SSU72: variants seen among roughly 807,000 people sequenced by gnomAD.
SSU72 encodes RNA polymerase II subunit A C-terminal domain phosphatase SSU72.
In SSU72, 12 loss-of-function variants were observed where a neutral mutation model predicts 22.7. The observed-to-expected ratio is 0.53, with a 90% CI of 0.34 to 0.86. SSU72 has a LOEUF of 0.86. SSU72 is among the 40% of genes least tolerant of loss of function. SSU72 has a pLI of 0.02. For synonymous variants in SSU72, 116 were observed against 98.3 expected (o/e 1.18, Z -1.06); for missense variants, 151 against 249.8 (o/e 0.60, Z 2.67).
chr1:1,543,600 CCT>C (rs1157884051), intron 4 of SSU72, among the ~76,000 whole-genome samples: 1 of 152,058 alleles, frequency 6.6e-6, no homozygotes, highest in Non-Finnish European at 1.5e-5. Flanking sequence ...CGGCCACTCC[CCT>C]CTGTCACGGC....
At chr1:1,574,279 A>G (rs971605479) in intron 1 of SSU72, among the ~76,000 whole-genome samples, 199 bp downstream of exon 1, 108 of 151,966 alleles carry the variant, frequency 7.1e-4, no homozygotes, top group African/African-American at 2.5e-3. Flanking sequence ...CTCGTCCCGG[A>G]ACCTGCCTTC....
intron 2 of SSU72, among the ~76,000 whole-genome samples, chr1:1,559,548 G>C (rs1642559993): frequency 6.6e-6 from 1 of 152,168 alleles, no homozygotes; most frequent in Non-Finnish European, 1.5e-5. Flanking sequence ...GGTCAGGGGA[G>C]CTTAGATCCC....
At chr1:1,569,664 G>T (rs1642705455) in intron 1 of SSU72, among the ~76,000 whole-genome samples, 1 of 152,118 alleles carries the variant, frequency 6.6e-6, no homozygotes, top group African/African-American at 2.4e-5. Flanking sequence ...AACCACATGT[G>T]GCTAAGTTTT....
At chr1:1,543,250 G>A (rs957592548) in intron 4 of SSU72, among the ~76,000 whole-genome samples, 5 of 152,168 alleles carry the variant, frequency 3.3e-5, no homozygotes, top group African/African-American at 4.8e-5. Flanking sequence ...AGGGGTGGAC[G>A]GCGGACACAG....
chr1:1,568,841 C>G (rs1642693365), intron 1 of SSU72, among the ~76,000 whole-genome samples: 1 of 151,522 alleles, frequency 6.6e-6, no homozygotes, highest in Admixed American at 6.6e-5. Context: ...TCAATACCAG[C>G]CTGGGCAACA....
At chr1:1,557,334 A>G (rs1642533435) in intron 2 of SSU72, among the ~76,000 whole-genome samples, 1 of 151,990 alleles carries the variant, frequency 6.6e-6, no homozygotes, top group Non-Finnish European at 1.5e-5. Context: ...AATCGTTTGA[A>G]CCTGGGAGGC....
At chr1:1,572,447 C>T (rs2100725341) in intron 1 of SSU72, among the ~76,000 whole-genome samples, 1 of 150,232 alleles carries the variant, frequency 6.7e-6, no homozygotes, top group South Asian at 2.1e-4. Context: ...TATTCTACTC[C>T]AACTTTATTT....
chr1:1,543,725 CCT>C lies in SSU72; in HGVS notation c.483+142_483+143del, dbSNP rs1165627808. 46 of 393,502 alleles carry C rather than the reference CCT, an allele frequency of 1.2e-4. 1 individual carries two copies. The highest frequency in any genetic ancestry group is 1.2e-4 in the South Asian group (3 of 24,126). 24.4% of individuals were successfully genotyped at this position (393,502 alleles called of 1,614,324 possible). ...CCACTGTCACGGCCTCGGCCACTCC[CCT>C]GTCACGGCCTCGGCCACTCCCCTCT... On this transcript the variant is annotated intron_variant, in intron 4 of 4. Coordinates refer to ENST00000291386, the MANE Select transcript of SSU72 (RefSeq NM_014188.3).
intron 1 of SSU72, among the ~76,000 whole-genome samples, chr1:1,565,424 T>C (rs527906013): frequency 6.6e-6 from 1 of 152,198 alleles, no homozygotes; most frequent in Non-Finnish European, 1.5e-5. Context: ...CTGAACATCA[T>C]AGCTTGTTTA....
chr1:1,571,797 T>TC (rs1270977853), intron 1 of SSU72, among the ~76,000 whole-genome samples: 1 of 151,362 alleles, frequency 6.6e-6, no homozygotes, highest in East Asian at 2.0e-4. Context: ...CTAAATAATT[T>TC]TTTTTTTTGA....
At chr1:1,563,347 G>C (rs1319080291) in intron 2 of SSU72, 2 of 151,270 alleles carry the variant, frequency 1.3e-5, no homozygotes, top group Admixed American at 1.3e-4. Flanking sequence ...GTTTGGTCAA[G>C]ATGGTGAAAC....
At chr1:1,571,418 G>C (rs1416672152) in intron 1 of SSU72, among the ~76,000 whole-genome samples, 2 of 142,794 alleles carry the variant, frequency 1.4e-5, no homozygotes, top group Non-Finnish European at 3.0e-5. Flanking sequence ...GCGACAGAGG[G>C]AGACTCCGAC....
chr1:1,571,289 T>C (rs1642728281), intron 1 of SSU72, among the ~76,000 whole-genome samples: 1 of 125,046 alleles, frequency 8.0e-6, no homozygotes, highest in Admixed American at 8.9e-5. Context: ...AAAAGTTAGC[T>C]GGGAGTGGTG....
intron 2 of SSU72, chr1:1,545,239 G>T (rs941717100): frequency 2.0e-6 from 1 of 507,122 alleles, no homozygotes. Context: ...CCCCCAACTC[G>T]GCAAAAAGAC....
chr1:1,548,688 T>C (rs571539463), intron 2 of SSU72, among the ~76,000 whole-genome samples: 1 of 152,066 alleles, frequency 6.6e-6, no homozygotes, highest in African/African-American at 2.4e-5. Context: ...GGCTTCCACA[T>C]GGACCGCGGT....
rs796528151 is a variant in SSU72, at chr1:1,572,888, G to A, written c.80+1590C>T. ...CAATAATTTTGTCTTGGGGGGGGGG[G>A]GGTGAGCCTTGCATTGTTTTGCTTA... On this transcript the variant is annotated intron_variant, in intron 1 of 4. Coordinates refer to ENST00000291386, the MANE Select transcript of SSU72 (RefSeq NM_014188.3). 4.2e-5 allele frequency among the ~76,000 whole-genome samples: 6 copies of A among 142,994 alleles called. No individual in the cohort carries two copies. In the East Asian group the frequency reaches 8.1e-4, roughly 19 times the overall value. 93.8% of individuals were successfully genotyped at this position (142,994 alleles called of 152,430 possible).
chr1:1,541,849 T>A lies in SSU72; in HGVS notation c.*217A>T. On this transcript the variant is annotated 3_prime_UTR_variant, in exon 5 of 5. Coordinates refer to ENST00000291386, the MANE Select transcript of SSU72 (RefSeq NM_014188.3). ...CCTTTTTGGTTAAAGAAGAAAAACT[T>A]TGTAATCAATATCCTGCTCATAAGT... 1.8e-6 allele frequency: 1 copy of A among 541,560 alleles called. No homozygotes were observed. The allele number at this position is 541,560 out of a possible 1,614,324, so 33.5% of individuals were successfully genotyped here.
At chr1:1,557,516 G>A (rs557829217) in intron 2 of SSU72, among the ~76,000 whole-genome samples, 7 of 151,942 alleles carry the variant, frequency 4.6e-5, no homozygotes, top group South Asian at 2.1e-4. Flanking sequence ...ATATGGGGCC[G>A]GACACAGCGG....
intron 2 of SSU72, among the ~76,000 whole-genome samples, chr1:1,549,634 T>C (rs1459438915): frequency 6.7e-6 from 1 of 148,766 alleles, no homozygotes; most frequent in Non-Finnish European, 1.5e-5. Flanking sequence ...AGGTCAGGAG[T>C]TCGAGACCAG....
Sources: allele counts gnomAD v4.1 joint callset (sites outside exome capture counted in the v4.1 genomes callset), GRCh38; gene constraint gnomAD v4.1.1; transcripts MANE v1.5; gene names NCBI Gene and HGNC (gene_info 2026-07-23, HGNC 2026-07-21).